Variants in KANK4 observed in about 807,000 individuals in gnomAD.
The protein encoded by KANK4 is KN motif and ankyrin repeat domain-containing protein 4.
A neutral mutation model predicts 80.8 loss-of-function variants in KANK4; 50 were observed. The ratio of observed to expected loss-of-function variants is 0.62; its 90% confidence interval spans 0.49 to 0.78. KANK4 has a LOEUF of 0.78. KANK4 is among the 30% of genes least tolerant of loss of function. The probability of loss-of-function intolerance (pLI) is 0.00; values close to 1 mark genes in which losing one functional copy is unlikely to be tolerated. For synonymous variants in KANK4, 465 were observed against 506.9 expected, an observed-to-expected ratio of 0.92 and a Z score of 1.11; for missense variants, 1,196 against 1,240.1, an observed-to-expected ratio of 0.96 and a Z score of 0.53.
intron 8 of KANK4, among the ~76,000 whole-genome samples, chr1:62,248,336 A>G (rs1671521917): frequency 6.6e-6 from 1 of 152,202 alleles, no homozygotes; most frequent in South Asian, 2.1e-4. Context: ...TGCATGATTC[A>G]GGCCACATCA....
intron 1 of KANK4, among the ~76,000 whole-genome samples, chr1:62,290,542 A>G (rs1164081534): frequency 6.6e-6 from 1 of 152,192 alleles, no homozygotes; most frequent in African/African-American, 2.4e-5. Flanking sequence ...GGTGCCCAGG[A>G]TATAATAAAC....
chr1:62,265,061 C>T (rs181491454), intron 6 of KANK4, among the ~76,000 whole-genome samples: 14 of 152,148 alleles, frequency 9.2e-5, no homozygotes, highest in Non-Finnish European at 1.5e-5. Context: ...GAACTCCTGA[C>T]CTCAGGTGAT....
intron 9 of KANK4, 44 bp downstream of exon 9, chr1:62,247,428 C>A: frequency 6.3e-7 from 1 of 1,582,780 alleles, no homozygotes; most frequent in Non-Finnish European, 8.7e-7. Flanking sequence ...GTATGAGCCA[C>A]CCTGCCCAGC....
At chr1:62,289,462 A>C (rs553401931) in intron 1 of KANK4, among the ~76,000 whole-genome samples, 1 of 152,316 alleles carries the variant, frequency 6.6e-6, no homozygotes, top group South Asian at 2.1e-4. Flanking sequence ...AGATTGCAGC[A>C]GAGTGGGGGC....
rs754823048 is a variant in KANK4, at chr1:62,281,614, C to T, written c.-50G>A. The T allele has an allele frequency of 6.2e-7, 1 of 1,610,502 alleles. No homozygotes were observed. The highest frequency in any genetic ancestry group is 8.5e-7 in the Non-Finnish European group (1 of 1,176,664). On this transcript the variant is annotated 5_prime_UTR_variant, in exon 2 of 10. Coordinates refer to ENST00000371153, the MANE Select transcript of KANK4 (RefSeq NM_181712.5). ...CTCAGGCACTCTTCATCCAATGAGT[C>T]TGTAAAACTTGTTGAAGGTTCTGAA... is the stretch of plus-strand genomic sequence containing the variant.
At chr1:62,317,125 G>A (rs1309000208) in intron 1 of KANK4, among the ~76,000 whole-genome samples, 1 of 152,136 alleles carries the variant, frequency 6.6e-6, no homozygotes. Context: ...AAGGGGCCGG[G>A]AAAGTGTTAG....
intron 1 of KANK4, among the ~76,000 whole-genome samples, chr1:62,313,816 C>T (rs1018987711): frequency 7.9e-5 from 12 of 151,596 alleles, no homozygotes; most frequent in Non-Finnish European, 1.8e-4. Flanking sequence ...TGTATACCTA[C>T]GTAACAAACC....
Position 62,268,329 on chromosome 1 carries a change from T to A in KANK4, c.2189A>T (p.Glu730Val), listed in dbSNP as rs780653427. The A allele has an allele frequency of 1.1e-5, 17 of 1,613,988 alleles. No homozygotes were observed. Among genetic ancestry groups the A allele is most frequent in the Non-Finnish European group, 1.4e-5 (17 of 1,179,976 alleles). ...IPEGTCHAAQ[E>V]SGPGEEVPHS... ...GGGGACTTCTTCCCCAGGCCCACTT[T>A]CCTGGGCAGCATGGCAGGTGCCCTC... is the stretch of plus-strand genomic sequence containing the variant. The change falls in exon 5 of 10, where the codon GAA becomes GTA. Residue 730 changes from glutamate (E) to valine (V), a missense_variant. Around this residue, in one of 3 missense-constraint regions of KANK4, gnomAD observed 1,154 missense variants for 1,179.6 expected, o/e 0.98. Transcript: ENST00000371153.
chr1:62,292,581 C>T (rs192683638), intron 1 of KANK4, among the ~76,000 whole-genome samples: 128 of 152,276 alleles, frequency 8.4e-4, no homozygotes, highest in African/African-American at 2.6e-3. Flanking sequence ...ACTCTTTAAT[C>T]GGTGTGAGGC....
intron 7 of KANK4, among the ~76,000 whole-genome samples, chr1:62,258,843 A>T (rs12072707): frequency 0.19 from 29,595 of 152,124 alleles, 3,683 homozygotes; most frequent in East Asian, 0.69. Flanking sequence ...AAGACTTTTG[A>T]GGAGGTGACA....
chr1:62,251,101 C>T (rs986325167), intron 8 of KANK4, among the ~76,000 whole-genome samples: 2 of 152,096 alleles, frequency 1.3e-5, no homozygotes, highest in Non-Finnish European at 2.9e-5. Context: ...ATATTGTCTT[C>T]TTTGGAGAAA....
At chr1:62,269,213 AG>A (rs1466307689) in intron 4 of KANK4, among the ~76,000 whole-genome samples, 9 of 152,250 alleles carry the variant, frequency 5.9e-5, no homozygotes, top group Non-Finnish European at 1.3e-4. Context: ...TTGAGTTGGC[AG>A]ACCAGAGGCC....
chr1:62,313,693 C>T (rs1331424277), intron 1 of KANK4, among the ~76,000 whole-genome samples: 1 of 151,918 alleles, frequency 6.6e-6, no homozygotes, highest in Non-Finnish European at 1.5e-5. Flanking sequence ...CATACTGGGG[C>T]CTGCTGAGGG....
intron 1 of KANK4, among the ~76,000 whole-genome samples, chr1:62,308,128 G>A (rs2149171368): frequency 6.6e-6 from 1 of 152,300 alleles, no homozygotes; most frequent in East Asian, 1.9e-4. Flanking sequence ...ATTCACCTCT[G>A]CCTGCCCTTT....
At chr1:62,259,524 G>A (rs1019898716) in intron 7 of KANK4, among the ~76,000 whole-genome samples, 8 of 151,972 alleles carry the variant, frequency 5.3e-5, no homozygotes, top group South Asian at 4.1e-4. Context: ...CGGTTCACCC[G>A]CCTCAGCCTC....
chr1:62,242,320 C>CAGTG (rs1671361731), intron 9 of KANK4, among the ~76,000 whole-genome samples: 1 of 133,158 alleles, frequency 7.5e-6, no homozygotes, highest in South Asian at 2.4e-4. Context: ...CATGATCGTG[C>CAGTG]CACTGCACTC....
chr1:62,267,510 ACACAT>A (rs1300908573), intron 5 of KANK4, among the ~76,000 whole-genome samples: 1 of 152,142 alleles, frequency 6.6e-6, no homozygotes, highest in African/African-American at 2.4e-5. Flanking sequence ...ACTTTAAAAG[ACACAT>A]CACCAGCCAG....
At chr1:62,283,100 C>CCCAG (rs1221969856) in intron 1 of KANK4, among the ~76,000 whole-genome samples, 2 of 152,146 alleles carry the variant, frequency 1.3e-5, no homozygotes, top group Non-Finnish European at 2.9e-5. Context: ...CTCTCACCAC[C>CCCAG]CCAGCTCTGC....
chr1:62,278,303 C>A, intron 2 of KANK4, among the ~76,000 whole-genome samples: 1 of 145,884 alleles, frequency 6.9e-6, no homozygotes, highest in Admixed American at 7.0e-5. Flanking sequence ...GTGGCATTTC[C>A]TGGGGCACAT....
Sources: allele counts gnomAD v4.1 joint callset (sites outside exome capture counted in the v4.1 genomes callset), GRCh38; gene constraint gnomAD v4.1.1; regional missense constraint gnomAD v4.1.1; transcripts MANE v1.5; gene names NCBI Gene and HGNC (gene_info 2026-07-23, HGNC 2026-07-21).